LRRTM4: variants seen among roughly 807,000 people sequenced by gnomAD.
The protein encoded by LRRTM4 is leucine rich repeat transmembrane neuronal 4, also known as leucine-rich repeat transmembrane neuronal protein 4.
In LRRTM4, 25 loss-of-function variants were observed where a neutral mutation model predicts 47.6. That is an observed-to-expected ratio of 0.53 (90% CI 0.38 to 0.73). The LOEUF (loss-of-function observed/expected upper bound fraction) is 0.73, where lower values mean the gene tolerates loss of function less well. LRRTM4 is among the 30% of genes least tolerant of loss of function. The pLI, the probability that LRRTM4 is intolerant of heterozygous loss-of-function variation, is 0.00. For synonymous variants in LRRTM4, 311 were observed against 269.5 expected (o/e 1.15, Z -1.51); for missense variants, 638 against 713.4 (o/e 0.89, Z 1.20).
intron 3 of LRRTM4, among the ~76,000 whole-genome samples, chr2:76,865,201 T>C (rs1260504821): frequency 6.6e-6 from 1 of 152,194 alleles, no homozygotes; most frequent in Non-Finnish European, 1.5e-5. Flanking sequence ...TTGCTCCCTG[T>C]GGGCTCCATA....
chr2:76,830,654 C>A (rs1392688882), intron 3 of LRRTM4, among the ~76,000 whole-genome samples: 2 of 151,570 alleles, frequency 1.3e-5, no homozygotes, highest in Non-Finnish European at 2.9e-5. Flanking sequence ...AAATTAAAGT[C>A]TTTGTCTCAA....
chr2:76,942,705 T>TGTGTGTGTGTG (rs1558753144), intron 3 of LRRTM4, among the ~76,000 whole-genome samples: 10 of 151,642 alleles, frequency 6.6e-5, no homozygotes, highest in Admixed American at 1.3e-4. Flanking sequence ...TGTGTGTGTG[T>TGTGTGTGTGTG]TTAAATCTGT....
chr2:76,899,187 T>C (rs1027535125), intron 3 of LRRTM4, among the ~76,000 whole-genome samples: 1 of 151,712 alleles, frequency 6.6e-6, no homozygotes, highest in Non-Finnish European at 1.5e-5. Context: ...AAGAAAAAAC[T>C]TTAACAATTT....
chr2:77,184,641 C>G (rs909390968), intron 3 of LRRTM4, among the ~76,000 whole-genome samples: 9 of 152,076 alleles, frequency 5.9e-5, no homozygotes, highest in Non-Finnish European at 1.3e-4. Context: ...TCTGGGTCAT[C>G]ATGCCATATT....
intron 3 of LRRTM4, among the ~76,000 whole-genome samples, chr2:77,436,329 C>G (rs1192775199): frequency 6.6e-6 from 1 of 151,928 alleles, no homozygotes. Context: ...CTAATGATGG[C>G]TAGAATCCTA....
intron 3 of LRRTM4, among the ~76,000 whole-genome samples, chr2:77,197,003 G>C (rs1444699694): frequency 6.6e-6 from 1 of 151,948 alleles, no homozygotes. Flanking sequence ...TGTTGGCTCT[G>C]TGAGTTTCAT....
chr2:77,439,374 G>T (rs143719923), intron 3 of LRRTM4, among the ~76,000 whole-genome samples: 124 of 151,430 alleles, frequency 8.2e-4, no homozygotes, highest in African/African-American at 2.8e-3. Context: ...AGAAAAATAC[G>T]GGCAAAAAAG....
chr2:76,862,032 T>C (rs568332240), intron 3 of LRRTM4, among the ~76,000 whole-genome samples: 1 of 152,256 alleles, frequency 6.6e-6, no homozygotes, highest in African/African-American at 2.4e-5. Flanking sequence ...TACAAATATA[T>C]TTATATACAG....
At chr2:77,188,814 G>A (rs889918713) in intron 3 of LRRTM4, among the ~76,000 whole-genome samples, 2 of 152,260 alleles carry the variant, frequency 1.3e-5, no homozygotes, top group South Asian at 2.1e-4. Flanking sequence ...TGCTCAAGTC[G>A]GAAGCATGGG....
At chr2:77,212,289 T>G (rs951157368) in intron 3 of LRRTM4, among the ~76,000 whole-genome samples, 56 of 151,750 alleles carry the variant, frequency 3.7e-4, no homozygotes, top group African/African-American at 1.4e-3. Flanking sequence ...ACTATAGAAT[T>G]TTGGAACTAT....
At chr2:76,935,069 A>G (rs1397135420) in intron 3 of LRRTM4, among the ~76,000 whole-genome samples, 1 of 152,190 alleles carries the variant, frequency 6.6e-6, no homozygotes, top group Non-Finnish European at 1.5e-5. Context: ...AAAGAATAGT[A>G]ATAATACAAT....
chr2:76,920,566 A>G (rs530308422), intron 3 of LRRTM4, among the ~76,000 whole-genome samples: 1 of 152,104 alleles, frequency 6.6e-6, no homozygotes, highest in Non-Finnish European at 1.5e-5. Flanking sequence ...GTAGGGCTTA[A>G]TGACATTCAA....
At chr2:76,837,252 C>T (rs984853225) in intron 3 of LRRTM4, among the ~76,000 whole-genome samples, 15 of 150,680 alleles carry the variant, frequency 1.0e-4, no homozygotes, top group South Asian at 2.1e-4. Context: ...TTTTTTATTG[C>T]GTCTATTTGA....
chr2:76,955,866 G>C (rs1177790011), intron 3 of LRRTM4, among the ~76,000 whole-genome samples: 2 of 151,718 alleles, frequency 1.3e-5, no homozygotes, highest in Non-Finnish European at 2.9e-5. Context: ...ATAGTTATTA[G>C]TTAAGTCTCC....
In LRRTM4 at chr2:77,467,591, T is replaced by A. The variant is rs558840404; in HGVS notation, c.1551+50727A>T. On this transcript the variant is annotated intron_variant, in intron 3 of 3. Transcript: ENST00000409884. ...ACCATCAAGATAGTGGGAGTAATCT[T>A]TTAAGCATACGCTAAGAATAATTCA... Among the ~76,000 whole-genome samples the A allele has an allele frequency of 1.0e-3, 153 of 152,304 alleles. 1 individual carries two copies. The highest frequency in any genetic ancestry group is 3.6e-3 in the African/African-American group (149 of 41,574).
At chr2:77,080,502 GC>G (rs1486102128) in intron 3 of LRRTM4, among the ~76,000 whole-genome samples, 2 of 152,032 alleles carry the variant, frequency 1.3e-5, no homozygotes, top group African/African-American at 2.4e-5. Context: ...AATCTAACAG[GC>G]AAATCAAATT....
chr2:77,157,515 T>A (rs755191869), intron 3 of LRRTM4, among the ~76,000 whole-genome samples: 4 of 152,178 alleles, frequency 2.6e-5, no homozygotes, highest in Non-Finnish European at 5.9e-5. Context: ...TTATTGCTTA[T>A]AATATTTGAT....
chr2:76,905,331 A>G (rs1673789937), intron 3 of LRRTM4, among the ~76,000 whole-genome samples: 3 of 152,192 alleles, frequency 2.0e-5, no homozygotes, highest in African/African-American at 7.2e-5. Flanking sequence ...AAGGACATCC[A>G]CACCAAAATC....
chr2:77,279,808 AAG>A (rs1676460069), intron 3 of LRRTM4, among the ~76,000 whole-genome samples: 1 of 152,002 alleles, frequency 6.6e-6, no homozygotes, highest in East Asian at 1.9e-4. Context: ...TAAGGAAATG[AAG>A]AGAGAGGCAG....
Sources: allele counts gnomAD v4.1 joint callset (sites outside exome capture counted in the v4.1 genomes callset), GRCh38; gene constraint gnomAD v4.1.1; transcripts MANE v1.5; gene names NCBI Gene and HGNC (gene_info 2026-07-23, HGNC 2026-07-21).